The following TSPAN11 variants were observed in gnomAD, a reference collection of about 807,000 sequenced individuals.
TSPAN11 encodes tetraspanin-11.
In TSPAN11, 29 loss-of-function variants were observed where a neutral mutation model predicts 32.9. The observed-to-expected ratio is 0.88, with a 90% CI of 0.66 to 1.20. TSPAN11 has a LOEUF of 1.20. Among genes scored for constraint, TSPAN11 ranks in the 50% most tolerant of loss-of-function variants. The pLI, the probability that TSPAN11 is intolerant of heterozygous loss-of-function variation, is 0.00. For missense variants in TSPAN11, 283 were observed against 329.1 expected (o/e 0.86, Z 1.08); for synonymous variants, 140 against 141.3 (o/e 0.99, Z 0.07).
At chr12:30,927,979 C>T (rs907761478) in intron 1 of TSPAN11, among the ~76,000 whole-genome samples, 2 of 152,164 alleles carry the variant, frequency 1.3e-5, no homozygotes, top group Non-Finnish European at 2.9e-5. Context: ...CACTACTGGC[C>T]TACAGGGGCC....
intron 1 of TSPAN11, among the ~76,000 whole-genome samples, chr12:30,935,210 T>A (rs1423852797): frequency 1.3e-5 from 2 of 150,412 alleles, no homozygotes; most frequent in Admixed American, 6.6e-5. Context: ...GAAGAAAGAG[T>A]GGCTCTTCTC....
chr12:30,941,786 C>T (rs1360568252), intron 1 of TSPAN11, among the ~76,000 whole-genome samples: 3 of 152,254 alleles, frequency 2.0e-5, no homozygotes, highest in Admixed American at 6.5e-5. Context: ...GCTGCAGTCC[C>T]GCCTGGGGGC....
rs139463525 is a variant in TSPAN11 at position 30,962,494 on chromosome 12, A to G, written c.85-1332A>G. ...AATATGTGCCCTGCCACCCTGCCCC[A>G]TGCTCACAGAGCTGTTGCAAAGCTC... On this transcript the variant is annotated intron_variant, in intron 2 of 7. Coordinates refer to ENST00000546076, the MANE Select transcript of TSPAN11 (RefSeq NM_001370302.1). 3.9e-5 allele frequency among the ~76,000 whole-genome samples: 6 copies of G among 152,372 alleles called. No homozygotes were observed. The East Asian group carries it at 1.2e-3, about 29-fold the overall frequency.
Position 30,926,761 on chromosome 12 carries a change from G to T in TSPAN11, c.-47G>T. On this transcript the variant is annotated 5_prime_UTR_variant, in exon 1 of 8. Transcript: ENST00000546076. ...GCCGCCGCTCTCAGTCTCTCTAGGC[G>T]CAGCTCCCTTCGCCGCTTCCGGAGC... 1 of 308,776 alleles carries T rather than the reference G, an allele frequency of 3.2e-6. No individual in the cohort carries two copies. Among genetic ancestry groups the T allele is most frequent in the Non-Finnish European group, 5.9e-6 (1 of 168,636 alleles). The allele number at this position is 308,776 out of a possible 1,614,324, so 19.1% of individuals were successfully genotyped here.
At chr12:31,007,708 T>G in the TSPAN11 span, among the ~76,000 whole-genome samples, 4 of 152,338 alleles carry the variant, frequency 2.6e-5, no homozygotes, top group East Asian at 7.7e-4. Context: ...TAATAACATT[T>G]AATAAATTAG....
downstream of TSPAN11, among the ~76,000 whole-genome samples, chr12:31,000,077 G>GC (rs1939463159): frequency 6.6e-6 from 1 of 152,212 alleles, no homozygotes; most frequent in Non-Finnish European, 1.5e-5. Flanking sequence ...CTCAGCAAAA[G>GC]CAAGATGGCT....
At chr12:30,935,338 A>AG (rs1938020997) in intron 1 of TSPAN11, among the ~76,000 whole-genome samples, 1 of 151,768 alleles carries the variant, frequency 6.6e-6, no homozygotes, top group Non-Finnish European at 1.5e-5. Flanking sequence ...CTGGGCTTCA[A>AG]GGGAGCAGTG....
At chr12:30,943,249 G>A (rs1938202490) in intron 1 of TSPAN11, among the ~76,000 whole-genome samples, 1 of 152,140 alleles carries the variant, frequency 6.6e-6, no homozygotes, top group Non-Finnish European at 1.5e-5. Context: ...GAAGCTACAA[G>A]AAACCCAAAC....
At chr12:30,934,679 ATTAGTG>A (rs1168594236) in intron 1 of TSPAN11, among the ~76,000 whole-genome samples, 1 of 149,372 alleles carries the variant, frequency 6.7e-6, no homozygotes, top group African/African-American at 2.5e-5. Context: ...GTTAGCTGTC[ATTAGTG>A]TTAGGGTATT....
Position 30,991,971 on chromosome 12 carries a change from A to G in TSPAN11, c.*56A>G, listed in dbSNP as rs143821842. The G allele has an allele frequency of 1.5e-3, 2,372 of 1,594,334 alleles. 26 individuals carry two copies. The African/African-American group carries it at 0.028, about 19-fold the overall frequency. The stretch of plus-strand genomic sequence containing the variant: ...TCAAGACAACATGTGGCCACATGCC[A>G]TCTGCAAGGCCTGCAGAGTTAGCAC... On this transcript the variant is annotated 3_prime_UTR_variant, in exon 8 of 8. Transcript: ENST00000546076.
downstream of TSPAN11, chr12:30,996,726 C>A (rs1939423948): frequency 6.6e-6 from 1 of 152,186 alleles, no homozygotes; most frequent in African/African-American, 2.4e-5. Context: ...ATGAGTAAAC[C>A]ATTGGCCACA....
At chr12:30,929,709 C>A (rs985826585) in intron 1 of TSPAN11, among the ~76,000 whole-genome samples, 1 of 152,118 alleles carries the variant, frequency 6.6e-6, no homozygotes, top group Non-Finnish European at 1.5e-5. Context: ...GATTACTGAG[C>A]GTAGACGACA....
At chr12:31,007,937 A>T in the TSPAN11 span, among the ~76,000 whole-genome samples, 4 of 152,000 alleles carry the variant, frequency 2.6e-5, no homozygotes, top group Non-Finnish European at 5.9e-5. Context: ...GGAGAACTGG[A>T]TGGTGCTTCC....
chr12:30,933,133 G>C (rs191785532), intron 1 of TSPAN11, among the ~76,000 whole-genome samples: 328 of 152,254 alleles, frequency 2.2e-3, no homozygotes, highest in Middle Eastern at 3.4e-3. Flanking sequence ...CTGCTCTAGT[G>C]GGGAGAGGCA....
At chr12:30,974,136 T>A (rs1052034153) in intron 3 of TSPAN11, among the ~76,000 whole-genome samples, 4 of 152,274 alleles carry the variant, frequency 2.6e-5, no homozygotes, top group African/African-American at 9.6e-5. Context: ...CTGCACATGC[T>A]TCTGTCCATG....
Position 30,975,153 on chromosome 12 carries a change from C to T in TSPAN11, c.277-3408C>T, listed in dbSNP as rs1938940302. ...AGAGCCAGCGTGTGCCGCAGGGGCC[C>T]TGAGATGATCGCGCCGGACCCAGGG... On this transcript the variant is annotated intron_variant, in intron 3 of 7. Coordinates refer to ENST00000546076, the MANE Select transcript of TSPAN11 (RefSeq NM_001370302.1). This position sits in a 1 kb window ranked among gnomAD's most constrained non-coding sequence, Gnocchi z 4.5. 6.6e-6 allele frequency among the ~76,000 whole-genome samples: 1 copy of T among 152,190 alleles called. No individual in the cohort carries two copies. Among genetic ancestry groups the T allele is most frequent in the Non-Finnish European group, 1.5e-5 (1 of 68,026 alleles).
chr12:30,959,312 C>T (rs1284902499), intron 2 of TSPAN11, among the ~76,000 whole-genome samples: 1 of 152,074 alleles, frequency 6.6e-6, no homozygotes, highest in East Asian at 1.9e-4. Flanking sequence ...AGAGCAGGTG[C>T]CACACTCAAA....
chr12:30,970,119 T>C (rs1203184391), intron 3 of TSPAN11, among the ~76,000 whole-genome samples: 1 of 152,218 alleles, frequency 6.6e-6, no homozygotes, highest in Non-Finnish European at 1.5e-5. Context: ...TGGGAAAGTC[T>C]GGGTAATTCC....
At chr12:30,965,935 G>A (rs1049885470) in intron 3 of TSPAN11, among the ~76,000 whole-genome samples, 6 of 152,194 alleles carry the variant, frequency 3.9e-5, no homozygotes, top group Admixed American at 1.3e-4. Context: ...CGTAGCCCAC[G>A]GGCCGCATGC....
Sources: allele counts gnomAD v4.1 joint callset (sites outside exome capture counted in the v4.1 genomes callset), GRCh38; gene constraint gnomAD v4.1.1; non-coding constraint Gnocchi (gnomAD v3.1); transcripts MANE v1.5; gene names NCBI Gene and HGNC (gene_info 2026-07-23, HGNC 2026-07-21).